The following DMD variants were observed in gnomAD, a reference collection of about 807,000 sequenced individuals.
The protein encoded by DMD is dystrophin.
In DMD, 63 loss-of-function variants were observed where a neutral mutation model predicts 330.1. That is an observed-to-expected ratio of 0.19 (90% CI 0.16 to 0.24). The LOEUF is 0.24. Among genes scored for constraint, DMD ranks in the 10% least tolerant of loss-of-function variants. The pLI, the probability that DMD is intolerant of heterozygous loss-of-function variation, is 1.00. For synonymous variants in DMD, 1,223 were observed against 959.8 expected, an observed-to-expected ratio of 1.27 and a Z score of -5.07; for missense variants, 3,344 against 2,684.1, an observed-to-expected ratio of 1.25 and a Z score of -5.43.
At chrX:31,483,943 A>G (rs1269022025) in intron 57 of DMD, among the ~76,000 whole-genome samples, 2 of 111,944 alleles carry the variant, frequency 1.8e-5, no homozygotes, top group African/African-American at 3.2e-5. Flanking sequence ...GTTCTAGGCA[A>G]TGAACATCTG....
intron 5 of DMD, among the ~76,000 whole-genome samples, chrX:32,819,413 T>TGAGC: frequency 9.0e-6 from 1 of 111,329 alleles, no homozygotes; most frequent in East Asian, 2.8e-4. Context: ...GCAAGATTTG[T>TGAGC]TATTACAACC....
At chrX:32,740,024 G>C (rs772291341) in intron 7 of DMD, among the ~76,000 whole-genome samples, 35 of 109,622 alleles carry the variant, frequency 3.2e-4, no homozygotes, top group African/African-American at 1.2e-3. Flanking sequence ...CTTTTACTCT[G>C]CCTACTTGTA....
At chrX:32,225,344 T>C (rs1025159831) in intron 43 of DMD, among the ~76,000 whole-genome samples, 4 of 111,778 alleles carry the variant, frequency 3.6e-5, no homozygotes, top group Non-Finnish European at 7.5e-5. Flanking sequence ...GTGGGTGTAA[T>C]TGGCCCATGG....
chrX:31,407,377 G>A (rs56154142), intron 60 of DMD, among the ~76,000 whole-genome samples: 8,404 of 110,015 alleles, frequency 0.076, 384 homozygotes, highest in East Asian at 0.36. Context: ...TGTTGGCCAG[G>A]CTGGTCTCGA....
intron 41 of DMD, among the ~76,000 whole-genome samples, chrX:32,341,525 G>T (rs1469997443): frequency 9.0e-6 from 1 of 111,627 alleles, no homozygotes; most frequent in Non-Finnish European, 1.9e-5. Context: ...ATCTGATATT[G>T]TTCAATCTGC....
chrX:31,651,866 T>C (rs186853278), intron 54 of DMD, among the ~76,000 whole-genome samples: 3 of 111,968 alleles, frequency 2.7e-5, no homozygotes, highest in South Asian at 3.8e-4. Flanking sequence ...TCACTACTTC[T>C]GTTTAGTCTA....
chrX:31,308,514 C>A (rs911388103), intron 62 of DMD, among the ~76,000 whole-genome samples: 3 of 111,405 alleles, frequency 2.7e-5, no homozygotes, highest in Non-Finnish European at 5.7e-5. Context: ...GTGGGGCTAT[C>A]TAGAATTTAA....
At chrX:33,228,300 T>C (rs1259241421) in intron 1 of DMD, among the ~76,000 whole-genome samples, 1 of 108,996 alleles carries the variant, frequency 9.2e-6, no homozygotes, top group Non-Finnish European at 1.9e-5. Context: ...TGTGTGTGTG[T>C]GTGTGTGTGT....
chrX:31,672,095 T>C (rs931101383), intron 53 of DMD, among the ~76,000 whole-genome samples: 1 of 112,215 alleles, frequency 8.9e-6, no homozygotes, highest in Non-Finnish European at 1.9e-5. Flanking sequence ...TTTTGGTATA[T>C]TGTATTTTTA....
intron 9 of DMD, among the ~76,000 whole-genome samples, chrX:32,666,941 T>TAACAC (rs2147150749): frequency 9.1e-6 from 1 of 109,361 alleles, no homozygotes; most frequent in African/African-American, 3.3e-5. Flanking sequence ...AAGGAAAAAA[T>TAACAC]AACACAACCT....
intron 11 of DMD, among the ~76,000 whole-genome samples, chrX:32,638,008 G>GTAT (rs1189579059): frequency 8.9e-6 from 1 of 111,852 alleles, no homozygotes; most frequent in African/African-American, 3.3e-5. Flanking sequence ...CACATGCATT[G>GTAT]TATTATTAGT....
intron 44 of DMD, among the ~76,000 whole-genome samples, chrX:32,094,526 A>G (rs2096493939): frequency 9.0e-6 from 1 of 111,259 alleles, no homozygotes; most frequent in Admixed American, 9.5e-5. Context: ...AGATAATAGA[A>G]ATATAAATTA....
chrX:32,964,013 G>C (rs1028950777), intron 2 of DMD, among the ~76,000 whole-genome samples: 6 of 110,819 alleles, frequency 5.4e-5, no homozygotes, highest in Non-Finnish European at 7.5e-5. Context: ...CCAGCACTTT[G>C]GGAGGCTGAG....
At chrX:32,803,264 T>G (rs985596449) in intron 7 of DMD, among the ~76,000 whole-genome samples, 2 of 111,832 alleles carry the variant, frequency 1.8e-5, no homozygotes, top group African/African-American at 6.5e-5. Flanking sequence ...TGGAGATGTT[T>G]ATAGTATTCT....
chrX:31,951,163 A>ATATGTG (rs2095171251), intron 45 of DMD, among the ~76,000 whole-genome samples: 3 of 74,224 alleles, frequency 4.0e-5, no homozygotes, highest in African/African-American at 2.1e-4. Context: ...ATATATGTAT[A>ATATGTG]TATATATATA....
chrX:31,530,027 C>A (rs777861103), intron 55 of DMD, among the ~76,000 whole-genome samples: 42 of 111,997 alleles, frequency 3.8e-4, no homozygotes, highest in African/African-American at 1.3e-3. Context: ...AAAGAATTCA[C>A]TTTCCTGAAA....
chrX:31,989,861 G>A (rs150355550), intron 44 of DMD, among the ~76,000 whole-genome samples: 259 of 110,836 alleles, frequency 2.3e-3, no homozygotes, highest in Non-Finnish European at 4.0e-3. Flanking sequence ...TGTTACAAGG[G>A]TATACTGCGT....
chrX:31,750,555 C>T (rs78652589), intron 51 of DMD, among the ~76,000 whole-genome samples: 7 of 110,785 alleles, frequency 6.3e-5, no homozygotes, highest in African/African-American at 2.3e-4. Flanking sequence ...TAGCCTTGTA[C>T]TATAGAAGCA....
chrX:31,866,099 C>T (rs2072903787), intron 48 of DMD, among the ~76,000 whole-genome samples: 1 of 111,514 alleles, frequency 9.0e-6, no homozygotes, highest in Non-Finnish European at 1.9e-5. Flanking sequence ...TAAGACCTCT[C>T]CCTTCCCATC....
Sources: allele counts gnomAD v4.1 joint callset (sites outside exome capture counted in the v4.1 genomes callset), GRCh38; gene constraint gnomAD v4.1.1; transcripts MANE v1.5; gene names NCBI Gene and HGNC (gene_info 2026-07-23, HGNC 2026-07-21).